Variants in SLC25A28 observed in about 807,000 individuals in gnomAD.
SLC25A28 encodes mitoferrin-2.
Under a neutral mutation model 31.9 loss-of-function variants are expected in SLC25A28, and 10 were observed. The ratio of observed to expected loss-of-function variants is 0.31; its 90% CI spans 0.19 to 0.53. The LOEUF (loss-of-function observed/expected upper bound fraction) is 0.53. Among genes scored for constraint, SLC25A28 ranks in the 20% least tolerant of loss-of-function variants. The pLI is 0.95. For missense variants in SLC25A28, 256 were observed against 490.3 expected, an observed-to-expected ratio of 0.52 and a Z score of 4.51; for synonymous variants, 208 against 203.6, an observed-to-expected ratio of 1.02 and a Z score of -0.19.
chr10:99,648,951 T>C, the SLC25A28 span, among the ~76,000 whole-genome samples: 1 of 152,136 alleles, frequency 6.6e-6, no homozygotes, highest in African/African-American at 2.4e-5. Context: ...CCTTTTATTT[T>C]TTTCTCTTGT....
chr10:99,650,558 G>A, the SLC25A28 span, among the ~76,000 whole-genome samples: 1 of 152,038 alleles, frequency 6.6e-6, no homozygotes, highest in South Asian at 2.1e-4. Flanking sequence ...GGTGCCTTGG[G>A]CCTGGGACCA....
chr10:99,657,217 T>C, the SLC25A28 span, among the ~76,000 whole-genome samples: 1 of 152,226 alleles, frequency 6.6e-6, no homozygotes, highest in East Asian at 1.9e-4. Flanking sequence ...AACACCTATT[T>C]TGTGGAACAC....
chr10:99,613,864 G>T lies in SLC25A28; in HGVS notation c.352C>A (p.Leu118Ile). 6.2e-7 allele frequency: 1 copy of T among 1,614,168 alleles called. No homozygotes were observed. The highest frequency in any genetic ancestry group is 8.5e-7 in the Non-Finnish European group (1 of 1,180,028). ...CCCTCCGTTCTTATAATCCTCCAGA[G>T]GGCCTCCAACACATTGCGATAGCGG... ...AARYRNVLEA[L>I]WRIIRTEGLW... Residue 118 changes from leucine (L) to isoleucine (I), a missense_variant, in exon 2 of 4, where the codon CTC (leucine) becomes ATC (isoleucine). This residue lies in a region of SLC25A28 where 158 missense variants were observed against 379.1 expected (regional missense o/e 0.42). Coordinates refer to ENST00000370495, the MANE Select transcript of SLC25A28 (RefSeq NM_031212.4). This position sits in a 1 kb window ranked among gnomAD's most constrained non-coding sequence, Gnocchi z 4.9.
At chr10:99,612,442 G>C (rs1190854604) in intron 3 of SLC25A28, 101 bp downstream of exon 3, 1 of 1,365,686 alleles carries the variant, frequency 7.3e-7, no homozygotes, top group African/African-American at 1.4e-5. Flanking sequence ...GGTAAAACAA[G>C]GTAACAGAAT....
chr10:99,631,618 C>T, the SLC25A28 span, among the ~76,000 whole-genome samples: 1 of 152,032 alleles, frequency 6.6e-6, no homozygotes, highest in Admixed American at 6.5e-5. Flanking sequence ...AACAGAAAGC[C>T]TCATCTCTTG....
At chr10:99,641,114 A>G in the SLC25A28 span, among the ~76,000 whole-genome samples, 1 of 152,206 alleles carries the variant, frequency 6.6e-6, no homozygotes, top group Non-Finnish European at 1.5e-5. Context: ...TGGTATTTCT[A>G]GTTCTAGATC....
the SLC25A28 span, among the ~76,000 whole-genome samples, chr10:99,646,798 T>C: frequency 1.3e-5 from 2 of 152,190 alleles, no homozygotes; most frequent in Admixed American, 6.5e-5. Context: ...ACCCAACAGG[T>C]AATTTTCTAA....
the SLC25A28 span, among the ~76,000 whole-genome samples, chr10:99,638,605 C>A: frequency 6.6e-6 from 1 of 151,638 alleles, no homozygotes; most frequent in Non-Finnish European, 1.5e-5. Context: ...AAAAAACAAT[C>A]TTATCAAAAA....
the SLC25A28 span, among the ~76,000 whole-genome samples, chr10:99,647,626 G>T: frequency 6.6e-6 from 1 of 152,056 alleles, no homozygotes; most frequent in Non-Finnish European, 1.5e-5. Context: ...TGTTTACTCT[G>T]TTCTTTTGCT....
chr10:99,627,444 G>GTTTT, the SLC25A28 span, among the ~76,000 whole-genome samples: 2 of 139,852 alleles, frequency 1.4e-5, no homozygotes, highest in Non-Finnish European at 1.6e-5. Flanking sequence ...TATTCATCTT[G>GTTTT]TTTTTTTTTT....
chr10:99,616,642 T>G (rs954003688), intron 1 of SLC25A28: 2 of 985,332 alleles, frequency 2.0e-6, no homozygotes, highest in Non-Finnish European at 2.4e-6. Context: ...CCACTATTAA[T>G]CTGAAGGTCA....
chr10:99,641,999 A>G, the SLC25A28 span, among the ~76,000 whole-genome samples: 1,261 of 150,318 alleles, frequency 8.4e-3, 6 homozygotes, highest in African/African-American at 0.027. Context: ...GTCAGGTAGC[A>G]TGATGCCTCC....
chr10:99,620,927 T>C, upstream of SLC25A28: 2 of 981,900 alleles, frequency 2.0e-6, no homozygotes, highest in Non-Finnish European at 2.4e-6. Flanking sequence ...GTCAAACTGC[T>C]GACGGGCGCC....
the SLC25A28 span, among the ~76,000 whole-genome samples, chr10:99,625,909 A>G: frequency 6.6e-6 from 1 of 152,244 alleles, no homozygotes. Context: ...CCTTAACACC[A>G]TGAGGCATCC....
chr10:99,628,932 G>A, the SLC25A28 span, among the ~76,000 whole-genome samples: 1 of 152,222 alleles, frequency 6.6e-6, no homozygotes, highest in Non-Finnish European at 1.5e-5. Flanking sequence ...TGGTGAGAAT[G>A]TAAAATCATT....
the SLC25A28 span, among the ~76,000 whole-genome samples, chr10:99,643,420 T>C: frequency 2.0e-5 from 3 of 152,234 alleles, no homozygotes; most frequent in African/African-American, 7.2e-5. Context: ...ATATCCCCTT[T>C]ATCATTTTTC....
At chr10:99,653,336 G>C in the SLC25A28 span, among the ~76,000 whole-genome samples, 1 of 152,100 alleles carries the variant, frequency 6.6e-6, no homozygotes, top group Admixed American at 6.6e-5. Flanking sequence ...AAGAAACTGG[G>C]GCCTCCCACC....
In SLC25A28 at chr10:99,611,777, G is replaced by C. The variant is rs940054187; in HGVS notation, c.578-411C>G. ...AACAATCCCAATCCTCGCATACAAA[G>C]AGCACCTAACTTTTAAAATGTGAGA... On this transcript the variant is annotated intron_variant, in intron 3 of 3. Coordinates refer to ENST00000370495, the MANE Select transcript of SLC25A28 (RefSeq NM_031212.4). This position sits in a 1 kb window ranked among gnomAD's most constrained non-coding sequence, Gnocchi z 5.5. Among the ~76,000 whole-genome samples, 1 of 152,100 alleles carries C rather than the reference G, an allele frequency of 6.6e-6. No individual in the cohort carries two copies. Among genetic ancestry groups the C allele is most frequent in the Non-Finnish European group, 1.5e-5 (1 of 68,018 alleles).
intron 1 of SLC25A28, chr10:99,615,808 A>G: frequency 1.0e-6 from 1 of 985,428 alleles, no homozygotes; most frequent in Non-Finnish European, 1.2e-6. Context: ...CATTTATTCA[A>G]AACTGATCTT....
Sources: gnomAD v4.1 joint callset for allele counts (sites outside exome capture counted in the v4.1 genomes callset) on GRCh38, gnomAD v4.1.1 for gene constraint, gnomAD v4.1.1 regional missense constraint, Gnocchi (gnomAD v3.1) non-coding constraint, MANE v1.5 for transcripts, NCBI Gene and HGNC (gene_info 2026-07-23, HGNC 2026-07-21) for gene names.